PDE3A: variants seen among roughly 807,000 people sequenced by gnomAD.
PDE3A encodes cGMP-inhibited 3',5'-cyclic phosphodiesterase 3A.
A neutral mutation model predicts 98.3 loss-of-function variants in PDE3A; 43 were observed. The observed-to-expected ratio is 0.44, with a 90% confidence interval of 0.34 to 0.56. PDE3A has a LOEUF of 0.56. Ranked by LOEUF, PDE3A falls within the 20% of genes least tolerant of loss-of-function variation. PDE3A has a pLI of 0.01. For missense variants in PDE3A, 1,427 were observed against 1,440.7 expected (o/e 0.99, Z 0.15); for synonymous variants, 663 against 567.9 (o/e 1.17, Z -2.38).
At chr12:20,526,446 A>T (rs1280954065) in intron 1 of PDE3A, among the ~76,000 whole-genome samples, 1 of 152,186 alleles carries the variant, frequency 6.6e-6, no homozygotes, top group Non-Finnish European at 1.5e-5. Flanking sequence ...TCATTTTTTA[A>T]ATCAAATTTT....
chr12:20,532,784 G>C (rs1941640869), intron 1 of PDE3A, among the ~76,000 whole-genome samples: 1 of 150,124 alleles, frequency 6.7e-6, no homozygotes, highest in Admixed American at 6.6e-5. Context: ...CGCCTCCCGG[G>C]TTCACGCCAT....
intron 1 of PDE3A, among the ~76,000 whole-genome samples, chr12:20,473,062 T>C (rs1331722839): frequency 6.6e-6 from 1 of 152,180 alleles, no homozygotes; most frequent in African/African-American, 2.4e-5. Context: ...TTTAAAATGG[T>C]AAGATAGATC....
At chr12:20,442,481 T>G (rs1944885644) in intron 1 of PDE3A, among the ~76,000 whole-genome samples, 2 of 152,208 alleles carry the variant, frequency 1.3e-5, no homozygotes, top group Non-Finnish European at 2.9e-5. Context: ...TCTCAGCACT[T>G]CTGGCTGGTA....
chr12:20,518,412 A>T (rs184974243), intron 1 of PDE3A, among the ~76,000 whole-genome samples: 2 of 152,298 alleles, frequency 1.3e-5, no homozygotes, highest in Non-Finnish European at 2.9e-5. Flanking sequence ...ATGGAGAAAA[A>T]AAAAAGATTC....
At chr12:20,380,676 T>C (rs1943648378) in intron 1 of PDE3A, among the ~76,000 whole-genome samples, 2 of 151,772 alleles carry the variant, frequency 1.3e-5, no homozygotes, top group South Asian at 2.1e-4. Flanking sequence ...CAAGTTTCTT[T>C]TTATCTGTAC....
intron 1 of PDE3A, among the ~76,000 whole-genome samples, chr12:20,385,993 A>AT (rs1491567121): frequency 0.061 from 6,436 of 104,758 alleles, 320 homozygotes; most frequent in Non-Finnish European, 0.072. Flanking sequence ...TAATATATAT[A>AT]AAATATATAT....
At position 20,571,302 on chromosome 12, in the gene PDE3A, G is replaced by A. The variant is rs575196476; in HGVS notation, c.1011+14592G>A. On this transcript the variant is annotated intron_variant, in intron 2 of 15. Transcript: ENST00000359062. Reference sequence around the variant, plus strand: ...GTGGGTACTGAGTACTGTGTTGAAAGACAGGGAAACAGCATTGAGGATTGA... The same window carrying A: ...GTGGGTACTGAGTACTGTGTTGAAAAACAGGGAAACAGCATTGAGGATTGA... Among the ~76,000 whole-genome samples, 13 of 152,270 alleles carry A rather than the reference G, an allele frequency of 8.5e-5. No homozygotes were observed. In the East Asian group the frequency reaches 2.3e-3, roughly 27 times the overall value.
chr12:20,637,092 C>T lies in PDE3A; in HGVS notation c.2002-8C>T, dbSNP rs187975685. The T allele has an allele frequency of 7.2e-5, 112 of 1,561,382 alleles. 1 individual carries two copies. The African/African-American group carries it at 1.5e-3, about 21-fold the overall frequency. On this transcript the variant is annotated splice_polypyrimidine_tract_variant and splice_region_variant and intron_variant, in intron 8 of 15. Transcript: ENST00000359062. ...GCTGTTTAAGTATTTTAATGTTAAA[C>T]ATTACAGGACAAACCAATTCTTGCT...
chr12:20,628,241 C>A (rs1592127695), intron 5 of PDE3A, among the ~76,000 whole-genome samples: 1 of 152,264 alleles, frequency 6.6e-6, no homozygotes, highest in Middle Eastern at 3.4e-3. Flanking sequence ...TGTGCAGAAT[C>A]ATACATTGAC....
At chr12:20,634,375 G>C (rs1316658394) in intron 7 of PDE3A, among the ~76,000 whole-genome samples, 3 of 152,092 alleles carry the variant, frequency 2.0e-5, no homozygotes, top group Admixed American at 2.0e-4. Flanking sequence ...ACAGTTTACT[G>C]CTGACTGAAA....
chr12:20,584,974 T>C (rs555152455), intron 2 of PDE3A, among the ~76,000 whole-genome samples: 32 of 152,314 alleles, frequency 2.1e-4, no homozygotes, highest in Non-Finnish European at 2.5e-4. Context: ...ACTTCTTTGT[T>C]TCACTATAGA....
intron 1 of PDE3A, among the ~76,000 whole-genome samples, chr12:20,528,157 C>G (rs1314650227): frequency 1.3e-5 from 2 of 152,228 alleles, no homozygotes; most frequent in East Asian, 3.9e-4. Context: ...AGTAGTTGTT[C>G]TCAGTTGCTA....
chr12:20,386,383 G>A (rs957423591), intron 1 of PDE3A, among the ~76,000 whole-genome samples: 7 of 149,274 alleles, frequency 4.7e-5, no homozygotes, highest in South Asian at 2.1e-4. Context: ...TCTAATGATC[G>A]GTGATGTTGA....
In PDE3A at chr12:20,552,555, G is replaced by A. The variant is rs936596047; in HGVS notation, c.961-4105G>A. 49 of 1,613,548 alleles carry A rather than the reference G, an allele frequency of 3.0e-5. No individual in the cohort carries two copies. Among genetic ancestry groups the A allele is most frequent in the Middle Eastern group, 1.6e-4 (1 of 6,068 alleles). ...AGGGGGGCTTCGCGTCCCCCAGGAC[G>A]GGCAAGGGCAAGTGGAAGCGGAAGT... On this transcript the variant is annotated intron_variant, in intron 1 of 15. Transcript: ENST00000359062. The surrounding 1 kb of genome is among the most constrained non-coding windows in gnomAD (Gnocchi z 5.1).
At chr12:20,426,359 G>C (rs752739989) in intron 1 of PDE3A, among the ~76,000 whole-genome samples, 2 of 152,088 alleles carry the variant, frequency 1.3e-5, no homozygotes, top group Non-Finnish European at 2.9e-5. Context: ...TGTTGCAACT[G>C]CTTAAAAGAG....
At chr12:20,461,183 T>C (rs1945241964) in intron 1 of PDE3A, among the ~76,000 whole-genome samples, 1 of 138,652 alleles carries the variant, frequency 7.2e-6, no homozygotes, top group African/African-American at 2.7e-5. Flanking sequence ...CCTCCAACCC[T>C]CACTGATTAT....
intron 1 of PDE3A, among the ~76,000 whole-genome samples, chr12:20,414,072 A>T (rs1944379843): frequency 6.6e-6 from 1 of 152,148 alleles, no homozygotes; most frequent in African/African-American, 2.4e-5. Context: ...AAACTGGCCA[A>T]AGAACAGATT....
At chr12:20,464,170 C>T (rs1485732640) in intron 1 of PDE3A, among the ~76,000 whole-genome samples, 2 of 151,986 alleles carry the variant, frequency 1.3e-5, no homozygotes, top group Non-Finnish European at 2.9e-5. Context: ...GAAAAAGTGC[C>T]CTGTATCATT....
chr12:20,455,333 G>A (rs1210619627), intron 1 of PDE3A, among the ~76,000 whole-genome samples: 2 of 151,974 alleles, frequency 1.3e-5, no homozygotes, highest in African/African-American at 4.8e-5. Context: ...GTGAGTTTAG[G>A]TTCCTTACAG....
Sources: allele counts gnomAD v4.1 joint callset (sites outside exome capture counted in the v4.1 genomes callset), GRCh38; gene constraint gnomAD v4.1.1; non-coding constraint Gnocchi (gnomAD v3.1); transcripts MANE v1.5; gene names NCBI Gene and HGNC (gene_info 2026-07-23, HGNC 2026-07-21).